Variants in CNBD1 observed in about 807,000 individuals in gnomAD.
The protein encoded by CNBD1 is cyclic nucleotide binding domain containing 1.
A neutral mutation model predicts 54.4 loss-of-function variants in CNBD1; 71 were observed. That is an observed-to-expected ratio of 1.30 (90% CI 1.08 to 1.59). The LOEUF is 1.59. Among genes scored for constraint, CNBD1 ranks in the 40% most tolerant of loss-of-function variants. CNBD1 has a pLI of 0.00. For synonymous variants in CNBD1, 182 were observed against 170.7 expected, an observed-to-expected ratio of 1.07 and a Z score of -0.51; for missense variants, 659 against 518.0, an observed-to-expected ratio of 1.27 and a Z score of -2.64.
At chr8:87,420,229 T>C (rs1372493855) in intron 2 of CNBD1, among the ~76,000 whole-genome samples, 1 of 151,992 alleles carries the variant, frequency 6.6e-6, no homozygotes, top group Non-Finnish European at 1.5e-5. Flanking sequence ...GTTTCACAGC[T>C]TTGTGTAAGC....
At chr8:87,231,907 T>A (rs902008594) in intron 5 of CNBD1, among the ~76,000 whole-genome samples, 2 of 152,184 alleles carry the variant, frequency 1.3e-5, no homozygotes, top group African/African-American at 4.8e-5. Flanking sequence ...CTCTTTATAT[T>A]TCTTCCCAGT....
chr8:87,284,649 A>T (rs534052519), intron 6 of CNBD1, 29 bp from the exon 7 acceptor site: 2 of 1,576,132 alleles, frequency 1.3e-6, no homozygotes, highest in South Asian at 2.3e-5. Context: ...GTGGTAATAA[A>T]CATTAAATTG....
chr8:86,883,885 C>T (rs1312151025), intron 1 of CNBD1, among the ~76,000 whole-genome samples: 2 of 152,160 alleles, frequency 1.3e-5, no homozygotes, highest in Non-Finnish European at 1.5e-5. Flanking sequence ...GGCGCGGTGG[C>T]TCACGCCTGT....
chr8:87,268,129 AG>A (rs934760100), intron 6 of CNBD1, among the ~76,000 whole-genome samples: 4 of 152,064 alleles, frequency 2.6e-5, no homozygotes, highest in African/African-American at 9.7e-5. Flanking sequence ...AGCAGTCCCC[AG>A]GGTCTATCAG....
intron 8 of CNBD1, among the ~76,000 whole-genome samples, chr8:87,303,162 A>G (rs1026639987): frequency 1.3e-5 from 2 of 152,104 alleles, no homozygotes; most frequent in African/African-American, 4.8e-5. Flanking sequence ...GAGCCAAAAA[A>G]GAGCCTGCAT....
At chr8:87,380,174 G>C (rs546685190) in intron 10 of CNBD1, among the ~76,000 whole-genome samples, 1 of 151,820 alleles carries the variant, frequency 6.6e-6, no homozygotes, top group Non-Finnish European at 1.5e-5. Flanking sequence ...TTAATAATTT[G>C]TGCTAATATT....
At chr8:87,007,986 C>T (rs376461690) in intron 4 of CNBD1, among the ~76,000 whole-genome samples, 3 of 152,120 alleles carry the variant, frequency 2.0e-5, no homozygotes, top group East Asian at 3.9e-4. Context: ...CTAGTCCTAA[C>T]AAATTAATAT....
At chr8:87,316,000 A>C (rs1318139462) in intron 8 of CNBD1, among the ~76,000 whole-genome samples, 1 of 152,040 alleles carries the variant, frequency 6.6e-6, no homozygotes, top group African/African-American at 2.4e-5. Flanking sequence ...TGTATTAATA[A>C]AAAATTTAAA....
chr8:87,313,353 G>A (rs1385543143), intron 8 of CNBD1, among the ~76,000 whole-genome samples: 1 of 151,970 alleles, frequency 6.6e-6, no homozygotes, highest in South Asian at 2.1e-4. Flanking sequence ...TCTGAATAAT[G>A]CAATGAGAGT....
chr8:86,895,526 G>A (rs1808836846), intron 2 of CNBD1, among the ~76,000 whole-genome samples: 1 of 152,102 alleles, frequency 6.6e-6, no homozygotes, highest in Non-Finnish European at 1.5e-5. Flanking sequence ...TAAGAAACTA[G>A]CAAACCGTTC....
At chr8:87,426,228 T>G (rs902378455) in intron 2 of CNBD1, among the ~76,000 whole-genome samples, 4 of 152,172 alleles carry the variant, frequency 2.6e-5, no homozygotes, top group African/African-American at 9.6e-5. Flanking sequence ...TGGCACTCCC[T>G]AGTGAGATGA....
chr8:87,005,125 T>G lies in CNBD1; in HGVS notation c.431+65371T>G, dbSNP rs575950791. Among the ~76,000 whole-genome samples, 69 of 152,198 alleles carry G rather than the reference T, an allele frequency of 4.5e-4. 2 individuals carry two copies. The South Asian group carries it at 0.013, about 30-fold the overall frequency. On this transcript the variant is annotated intron_variant, in intron 4 of 10. Transcript: ENST00000518476. ...TCAGCAGGGCACGGTGGCTCACGCT[T>G]GTAATCCCAGCACTTTGGGAGGCCG...
intron 4 of CNBD1, among the ~76,000 whole-genome samples, chr8:86,962,781 A>G (rs1374009021): frequency 3.3e-5 from 5 of 151,612 alleles, no homozygotes; most frequent in East Asian, 3.9e-4. Context: ...GCAAGACTCC[A>G]TCTCAAAAAA....
chr8:87,214,065 G>A (rs1162881064), intron 5 of CNBD1, among the ~76,000 whole-genome samples: 2 of 152,326 alleles, frequency 1.3e-5, no homozygotes, highest in African/African-American at 2.4e-5. Context: ...TGATACAAGA[G>A]GTGGGTTCCC....
Position 87,192,304 on chromosome 8 carries a change from T to A in CNBD1, c.432-13689T>A, listed in dbSNP as rs1427651463. Among the ~76,000 whole-genome samples, 7 of 152,212 alleles carry A rather than the reference T, an allele frequency of 4.6e-5. 1 individual carries two copies. Among genetic ancestry groups the A allele is most frequent in the African/African-American group, 1.4e-4 (6 of 41,472 alleles). On this transcript the variant is annotated intron_variant, in intron 4 of 10. Transcript: ENST00000518476. ...ATTATTCACATTTGCACCAAATTTG[T>A]AATTTATAAATTTGTATTCTTTTTA...
At chr8:87,115,471 T>C (rs904657161) in intron 4 of CNBD1, among the ~76,000 whole-genome samples, 2 of 152,162 alleles carry the variant, frequency 1.3e-5, no homozygotes, top group East Asian at 3.9e-4. Flanking sequence ...AGAATGAAAA[T>C]GGGCAGATTT....
intron 10 of CNBD1, among the ~76,000 whole-genome samples, chr8:87,376,957 C>A (rs1358854103): frequency 6.7e-6 from 1 of 149,900 alleles, no homozygotes; most frequent in African/African-American, 2.4e-5. Flanking sequence ...ATCTTGGAAC[C>A]CAAATATTCT....
chr8:87,371,835 T>A (rs1464586089), intron 10 of CNBD1, among the ~76,000 whole-genome samples: 1 of 151,800 alleles, frequency 6.6e-6, no homozygotes, highest in African/African-American at 2.4e-5. Flanking sequence ...ACAGGACATA[T>A]CTCAAAATAA....
intron 4 of CNBD1, among the ~76,000 whole-genome samples, chr8:86,964,979 T>G (rs1808032868): frequency 6.6e-6 from 1 of 152,208 alleles, no homozygotes; most frequent in South Asian, 2.1e-4. Context: ...AGGCAATGCT[T>G]CTTTTCTGTG....
Sources: gnomAD v4.1 joint callset for allele counts (sites outside exome capture counted in the v4.1 genomes callset) on GRCh38, gnomAD v4.1.1 for gene constraint, MANE v1.5 for transcripts, NCBI Gene and HGNC (gene_info 2026-07-23, HGNC 2026-07-21) for gene names.